SIMC1: variants seen among roughly 807,000 people sequenced by gnomAD.
The protein encoded by SIMC1 is SUMO interacting motifs containing 1.
A neutral mutation model predicts 82.3 loss-of-function variants in SIMC1; 55 were observed. That is an observed-to-expected ratio of 0.67 (90% confidence interval 0.54 to 0.84). SIMC1 has a LOEUF of 0.84. Ranked by LOEUF, SIMC1 falls within the 40% of genes least tolerant of loss-of-function variation. The probability of loss-of-function intolerance (pLI) is 0.00; values close to 1 mark genes in which losing one functional copy is unlikely to be tolerated. For missense variants in SIMC1, 915 were observed against 1,107.2 expected (o/e 0.83, Z 2.46); for synonymous variants, 353 against 426.3 (o/e 0.83, Z 2.12).
At chr5:176,327,421 A>G (rs1164697087) in intron 7 of SIMC1, among the ~76,000 whole-genome samples, 2 of 152,214 alleles carry the variant, frequency 1.3e-5, no homozygotes, top group Non-Finnish European at 2.9e-5. Flanking sequence ...ATCATTTTCC[A>G]ATTGCTCATT....
At chr5:176,324,082 C>T (rs1765275391) in intron 6 of SIMC1, among the ~76,000 whole-genome samples, 1 of 151,810 alleles carries the variant, frequency 6.6e-6, no homozygotes, top group Non-Finnish European at 1.5e-5. Context: ...ACTCCTAATG[C>T]CACATCAGGC....
At position 176,313,721 on chromosome 5, in the gene SIMC1, C is replaced by T; in HGVS notation, c.1765C>T (p.Leu589=). ...AACTCTGCCTGGGCGAGTCCTTTTCCTGCGTTATGTCGTTCAGACCCTAGA... is the reference window on the plus strand; with the variant it reads ...AACTCTGCCTGGGCGAGTCCTTTTCTTGCGTTATGTCGTTCAGACCCTAGA... ...GQTLPGRVLF[L]RYVVQTLEDD... Residue 589 remains leucine (L), a synonymous_variant, in exon 5 of 10, where the codon CTG becomes TTG. Coordinates refer to ENST00000429602, the MANE Select transcript of SIMC1 (RefSeq NM_001308195.2). 6.2e-7 allele frequency: 1 copy of T among 1,613,938 alleles called. No homozygotes were observed.
At position 176,255,288 on chromosome 5, in the gene SIMC1, C is replaced by T. The variant is rs146459290; in HGVS notation, c.129+16651C>T. On this transcript the variant is annotated intron_variant, in intron 1 of 9. Coordinates refer to ENST00000429602, the MANE Select transcript of SIMC1 (RefSeq NM_001308195.2). ...ATGTTTCAAATAAAAGTCATAAAAA[C>T]GTTATCTTCAAGACCAGGTGCTGTG... 2.2e-3 allele frequency among the ~76,000 whole-genome samples: 331 copies of T among 150,370 alleles called. 2 individuals are homozygous for T. Among genetic ancestry groups the T allele is most frequent in the Non-Finnish European group, 2.7e-3 (185 of 67,666 alleles).
intron 7 of SIMC1, among the ~76,000 whole-genome samples, chr5:176,334,138 C>T (rs752097793): frequency 6.6e-6 from 1 of 152,150 alleles, no homozygotes; most frequent in Non-Finnish European, 1.5e-5. Context: ...ACCTCTTGGT[C>T]TGTTTCTATG....
At chr5:176,283,643 CATA>C (rs1421265071) in intron 1 of SIMC1, among the ~76,000 whole-genome samples, 6 of 152,306 alleles carry the variant, frequency 3.9e-5, no homozygotes, top group South Asian at 2.1e-4. Flanking sequence ...CAGCTAACAT[CATA>C]ATGACAGGAT....
At chr5:176,317,431 TTACCCCCATATGGCAAAATA>T (rs901758041) in intron 5 of SIMC1, among the ~76,000 whole-genome samples, 3 of 152,136 alleles carry the variant, frequency 2.0e-5, no homozygotes, top group Non-Finnish European at 2.9e-5. Flanking sequence ...TTTTAAATAT[TTACCCCCATATGGCAAAATA>T]TACCCCCATA....
At chr5:176,286,189 A>G (rs1367822081) in intron 1 of SIMC1, among the ~76,000 whole-genome samples, 3 of 152,304 alleles carry the variant, frequency 2.0e-5, no homozygotes, top group African/African-American at 7.2e-5. Flanking sequence ...GACAGTCCTA[A>G]GCAAAAAGAA....
At chr5:176,327,028 A>G (rs1020533232) in intron 7 of SIMC1, among the ~76,000 whole-genome samples, 1 of 152,242 alleles carries the variant, frequency 6.6e-6, no homozygotes, top group African/African-American at 2.4e-5. Context: ...GTCAGACAGA[A>G]GAAAGTGCAC....
chr5:176,282,241 C>T (rs1419032783), intron 1 of SIMC1, among the ~76,000 whole-genome samples: 1 of 152,248 alleles, frequency 6.6e-6, no homozygotes, highest in African/African-American at 2.4e-5. Context: ...AAGCCAGGTG[C>T]AGGATATAAT....
chr5:176,283,902 G>C (rs374743167), intron 1 of SIMC1, among the ~76,000 whole-genome samples: 3 of 152,166 alleles, frequency 2.0e-5, no homozygotes, highest in East Asian at 1.9e-4. Flanking sequence ...AGACTTTAAA[G>C]CAACAAAGAT....
intron 1 of SIMC1, among the ~76,000 whole-genome samples, chr5:176,280,192 G>A (rs1227354369): frequency 6.6e-6 from 1 of 152,076 alleles, no homozygotes; most frequent in Non-Finnish European, 1.5e-5. Flanking sequence ...GGATAGTTAG[G>A]TCTTCTTGTT....
intron 9 of SIMC1, among the ~76,000 whole-genome samples, chr5:176,337,372 G>A (rs1765948185): frequency 6.6e-6 from 1 of 152,170 alleles, no homozygotes. Context: ...AGATTGTGTA[G>A]GTAAGCAGAA....
chr5:176,313,292 G>A, intron 4 of SIMC1: 1 of 1,441,378 alleles, frequency 6.9e-7, no homozygotes, highest in Non-Finnish European at 9.1e-7. Flanking sequence ...TATATCCTGA[G>A]GTTGATAGGT....
intron 1 of SIMC1, among the ~76,000 whole-genome samples, chr5:176,240,297 T>C (rs2113091023): frequency 9.3e-6 from 1 of 107,006 alleles, no homozygotes; most frequent in South Asian, 3.0e-4. Flanking sequence ...CACTACCTGT[T>C]TAACTTTGTC....
intron 4 of SIMC1, among the ~76,000 whole-genome samples, chr5:176,297,116 G>A (rs1182983907): frequency 6.6e-6 from 1 of 152,202 alleles, no homozygotes; most frequent in Non-Finnish European, 1.5e-5. Context: ...TTTGTGGATG[G>A]AACAGCCAAC....
intron 1 of SIMC1, chr5:176,270,173 C>G (rs1336336767): frequency 6.6e-6 from 1 of 151,678 alleles, no homozygotes; most frequent in Non-Finnish European, 1.5e-5. Context: ...TAATTTAACA[C>G]TAGAAAATCC....
chr5:176,246,320 A>G (rs906848706), intron 1 of SIMC1, among the ~76,000 whole-genome samples: 3 of 151,662 alleles, frequency 2.0e-5, no homozygotes, highest in African/African-American at 7.3e-5. Flanking sequence ...AAGTGACTCC[A>G]TTTTGATACT....
intron 3 of SIMC1, 95 bp downstream of exon 3, chr5:176,295,357 T>C: frequency 6.8e-7 from 1 of 1,480,080 alleles, no homozygotes; most frequent in Non-Finnish European, 9.0e-7. Flanking sequence ...ACCTAACCGT[T>C]ACAGTGGGTG....
Position 176,271,812 on chromosome 5 carries a change from C to T in SIMC1, c.130-17842C>T, listed in dbSNP as rs184279205. On this transcript the variant is annotated intron_variant, in intron 1 of 9. Transcript: ENST00000429602. ...GTGATTATTACACATTATACAATGT[C>T]TCAAAATATTCCTGTCTCAAAATAT... Among the ~76,000 whole-genome samples, 270 of 148,668 alleles carry T rather than the reference C, an allele frequency of 1.8e-3. 2 individuals carry two copies. Among genetic ancestry groups the T allele is most frequent in the Non-Finnish European group, 3.2e-3 (218 of 67,464 alleles).
Sources: allele counts gnomAD v4.1 joint callset (sites outside exome capture counted in the v4.1 genomes callset), GRCh38; gene constraint gnomAD v4.1.1; transcripts MANE v1.5; gene names NCBI Gene and HGNC (gene_info 2026-07-23, HGNC 2026-07-21).